The following SLC25A12 variants were observed in gnomAD, a reference collection of about 807,000 sequenced individuals.
SLC25A12 encodes the protein solute carrier family 25 member 12, also known as electrogenic aspartate/glutamate antiporter SLC25A12, mitochondrial.
Under a neutral mutation model 83.3 loss-of-function variants are expected in SLC25A12, and 32 were observed. That is an observed-to-expected ratio of 0.38 (90% CI 0.29 to 0.52). SLC25A12 has a LOEUF of 0.52. Ranked by LOEUF, SLC25A12 falls within the 20% of genes least tolerant of loss-of-function variation. The pLI, the probability that SLC25A12 is intolerant of heterozygous loss-of-function variation, is 0.84. For synonymous variants in SLC25A12, 267 were observed against 291.1 expected (o/e 0.92, Z 0.84); for missense variants, 611 against 835.6 (o/e 0.73, Z 3.31).
At chr2:171,838,164 A>T (rs996309116) in intron 5 of SLC25A12, among the ~76,000 whole-genome samples, 1 of 152,244 alleles carries the variant, frequency 6.6e-6, no homozygotes, top group Non-Finnish European at 1.5e-5. Context: ...ATCTAAGTAT[A>T]TACATATTAT....
intron 13 of SLC25A12, among the ~76,000 whole-genome samples, chr2:171,806,974 T>C (rs1000074765): frequency 1.3e-5 from 2 of 152,236 alleles, no homozygotes; most frequent in African/African-American, 4.8e-5. Context: ...GTATCCTATG[T>C]CCCATACAGC....
chr2:171,827,321 G>A (rs1466988041), intron 8 of SLC25A12, among the ~76,000 whole-genome samples: 1 of 150,960 alleles, frequency 6.6e-6, no homozygotes. Context: ...TTTTTCCAAC[G>A]ATATGTTCTT....
intron 2 of SLC25A12, among the ~76,000 whole-genome samples, chr2:171,886,144 G>A (rs1685812969): frequency 6.6e-6 from 1 of 151,602 alleles, no homozygotes; most frequent in Non-Finnish European, 1.5e-5. Context: ...GGTGGTCTAG[G>A]CCTAACTCAT....
In SLC25A12 at chr2:171,784,276, G is replaced by C. The variant is rs974842384; in HGVS notation, c.*998C>G. On this transcript the variant is annotated 3_prime_UTR_variant, in exon 18 of 18. Transcript: ENST00000422440. ...CTGTTTTCTATAAAGGTGGAAGAAA[G>C]GGCGAACCCGATCATGAGTTATTTG... 1 of 152,216 alleles carries C rather than the reference G, an allele frequency of 6.6e-6. No homozygotes were observed. The highest frequency in any genetic ancestry group is 2.4e-5 in the African/African-American group (1 of 41,456). 9.4% of individuals were successfully genotyped at this position (152,216 alleles called of 1,614,324 possible).
chr2:171,822,064 T>A (rs1684204853), intron 9 of SLC25A12, among the ~76,000 whole-genome samples: 1 of 152,176 alleles, frequency 6.6e-6, no homozygotes, highest in South Asian at 2.1e-4. Flanking sequence ...TGGTAAAATT[T>A]CAGCCAGCAT....
chr2:171,825,506 A>G (rs1684282022), intron 9 of SLC25A12, among the ~76,000 whole-genome samples: 1 of 152,252 alleles, frequency 6.6e-6, no homozygotes, highest in Non-Finnish European at 1.5e-5. Context: ...CTACTCACCA[A>G]TGTGGCAGCA....
At chr2:171,874,004 T>A (rs1685510004) in intron 2 of SLC25A12, among the ~76,000 whole-genome samples, 1 of 152,024 alleles carries the variant, frequency 6.6e-6, no homozygotes, top group Admixed American at 6.6e-5. Context: ...GGTAGGGGGA[T>A]CACCTGAGGT....
chr2:171,884,194 T>C (rs1253492344), intron 2 of SLC25A12, among the ~76,000 whole-genome samples: 1 of 150,392 alleles, frequency 6.6e-6, no homozygotes, highest in Non-Finnish European at 1.5e-5. Flanking sequence ...TGTGGGCTTT[T>C]TTTTTTTTCC....
At chr2:171,856,962 G>A (rs964061368) in intron 3 of SLC25A12, among the ~76,000 whole-genome samples, 19 of 152,182 alleles carry the variant, frequency 1.2e-4, no homozygotes, top group African/African-American at 4.1e-4. Flanking sequence ...AGAGGATGGA[G>A]AAGAGATGGA....
At chr2:171,813,100 T>C (rs1323158232) in intron 11 of SLC25A12, among the ~76,000 whole-genome samples, 1 of 152,082 alleles carries the variant, frequency 6.6e-6, no homozygotes, top group Non-Finnish European at 1.5e-5. Flanking sequence ...AAACACATAA[T>C]TTGGACACCA....
chr2:171,815,313 T>C (rs1205197116), intron 9 of SLC25A12, 111 bp from the exon 10 acceptor site: 1 of 737,370 alleles, frequency 1.4e-6, no homozygotes, highest in Non-Finnish European at 2.5e-6. Context: ...AAAGTGATAT[T>C]GTTAATGCAG....
rs150591743 is a variant in SLC25A12, at chr2:171,844,270, C to T, written c.465+99G>A. The T allele has an allele frequency of 1.4e-4, 181 of 1,303,670 alleles. 1 individual carries two copies. The African/African-American group carries it at 2.2e-3, about 16-fold the overall frequency. 80.8% of individuals were successfully genotyped at this position (1,303,670 alleles called of 1,614,324 possible). A position where few individuals can be genotyped will look rare whatever the true frequency, so the allele number is the denominator to read the frequency against. On this transcript the variant is annotated intron_variant, in intron 5 of 17. Coordinates refer to ENST00000422440, the MANE Select transcript of SLC25A12 (RefSeq NM_003705.5). Reference sequence around the variant, plus strand: ...AATTTAAAAAATAGGAGTGAAATACCATGGAGAACTTCTATTTTTGTAATA... The same window carrying T: ...AATTTAAAAAATAGGAGTGAAATACTATGGAGAACTTCTATTTTTGTAATA...
chr2:171,868,529 G>T, intron 3 of SLC25A12, 152 bp downstream of exon 3: 2 of 692,050 alleles, frequency 2.9e-6, no homozygotes, highest in South Asian at 1.5e-5. Context: ...GGTCAGGCTG[G>T]TCTCAAACTC....
At chr2:171,853,498 G>A (rs1684978500) in intron 4 of SLC25A12, among the ~76,000 whole-genome samples, 1 of 152,106 alleles carries the variant, frequency 6.6e-6, no homozygotes, top group Admixed American at 6.6e-5. Context: ...TGACCAACAT[G>A]GGCGAAGCCC....
At chr2:171,840,791 A>G (rs1684658128) in intron 5 of SLC25A12, among the ~76,000 whole-genome samples, 1 of 152,202 alleles carries the variant, frequency 6.6e-6, no homozygotes, top group South Asian at 2.1e-4. Flanking sequence ...GAAAAGCCCA[A>G]TGAATGAAGA....
intron 2 of SLC25A12, among the ~76,000 whole-genome samples, chr2:171,890,318 A>T (rs1685904312): frequency 6.6e-6 from 1 of 152,256 alleles, no homozygotes; most frequent in Non-Finnish European, 1.5e-5. Flanking sequence ...ATATTAATCA[A>T]CTATATGCAT....
At chr2:171,856,189 G>C (rs1254731349) in intron 3 of SLC25A12, among the ~76,000 whole-genome samples, 1 of 152,168 alleles carries the variant, frequency 6.6e-6, no homozygotes, top group African/African-American at 2.4e-5. Context: ...ATCATGAAGA[G>C]AGAGAACCAG....
At chr2:171,866,832 C>T (rs1287496259) in intron 3 of SLC25A12, among the ~76,000 whole-genome samples, 1 of 148,940 alleles carries the variant, frequency 6.7e-6, no homozygotes, top group African/African-American at 2.5e-5. Flanking sequence ...ACCTCCCTCC[C>T]GGACGGGGTG....
intron 3 of SLC25A12, among the ~76,000 whole-genome samples, chr2:171,862,315 A>G (rs570932598): frequency 1.1e-4 from 16 of 152,372 alleles, no homozygotes; most frequent in Admixed American, 2.6e-4. Context: ...AGTCTCTGAG[A>G]TCTGCATTAA....
Sources: gnomAD v4.1 joint callset for allele counts (sites outside exome capture counted in the v4.1 genomes callset) on GRCh38, gnomAD v4.1.1 for gene constraint, MANE v1.5 for transcripts, NCBI Gene and HGNC (gene_info 2026-07-23, HGNC 2026-07-21) for gene names.